SPATS2: variants seen among roughly 807,000 people sequenced by gnomAD.
SPATS2 encodes the protein spermatogenesis associated serine rich 2.
A neutral mutation model predicts 63.7 loss-of-function variants in SPATS2; 38 were observed. The ratio of observed to expected loss-of-function variants is 0.60; its 90% CI spans 0.46 to 0.78. SPATS2 has a LOEUF of 0.78. Among genes scored for constraint, SPATS2 ranks in the 30% least tolerant of loss-of-function variants. The pLI, the probability that SPATS2 is intolerant of heterozygous loss-of-function variation, is 0.00. For synonymous variants in SPATS2, 207 were observed against 232.9 expected (o/e 0.89, Z 1.01); for missense variants, 588 against 666.2 (o/e 0.88, Z 1.29).
chr12:49,501,480 A>G (rs1946566575), intron 9 of SPATS2, among the ~76,000 whole-genome samples: 1 of 152,244 alleles, frequency 6.6e-6, no homozygotes, highest in Non-Finnish European at 1.5e-5. Context: ...TCACCACTGT[A>G]GCACTGAGGA....
chr12:49,492,240 G>A (rs547783440), intron 6 of SPATS2, among the ~76,000 whole-genome samples: 72 of 148,794 alleles, frequency 4.8e-4, no homozygotes, highest in African/African-American at 1.5e-3. Flanking sequence ...TTCTTTTTGA[G>A]ATGGAGTTTT....
intron 2 of SPATS2, among the ~76,000 whole-genome samples, chr12:49,380,732 T>C (rs1242544260): frequency 6.6e-6 from 1 of 151,898 alleles, no homozygotes; most frequent in Non-Finnish European, 1.5e-5. Flanking sequence ...TATATATTTA[T>C]CTATTTATGG....
intron 2 of SPATS2, among the ~76,000 whole-genome samples, chr12:49,373,017 G>T (rs1944029193): frequency 6.8e-6 from 1 of 146,356 alleles, no homozygotes; most frequent in African/African-American, 2.5e-5. Context: ...TTGTCGCCCA[G>T]GCTGGAGTGC....
chr12:49,408,280 C>G (rs576375073), intron 2 of SPATS2, among the ~76,000 whole-genome samples: 12 of 145,090 alleles, frequency 8.3e-5, no homozygotes, highest in Non-Finnish European at 4.5e-5. Flanking sequence ...GAGACAGACT[C>G]TCACTCTTGT....
intron 2 of SPATS2, among the ~76,000 whole-genome samples, chr12:49,439,427 G>A (rs1314356829): frequency 6.6e-6 from 1 of 152,178 alleles, no homozygotes; most frequent in Non-Finnish European, 1.5e-5. Context: ...GGGAACTCAG[G>A]AAGCTATGAT....
rs1158899709 is a variant in SPATS2, at chr12:49,494,923, A to T, written c.447A>T (p.Glu149Asp). The stretch of plus-strand genomic sequence containing the variant: ...CTGAGTCTGTGGACTCACTCAGTGA[A>T]GGTTTGGAGACACTTTCAATAGATG... ...NDTESVDSLS[E>D]GLETLSIDAR... is the part of the protein sequence containing the mutation. Residue 149 changes from glutamate to aspartate, a missense_variant, in exon 7 of 14, where the codon GAA (glutamate) becomes GAT (aspartate). Physicochemically the swap from Glu to Asp is conservative, Grantham distance 45. Coordinates refer to ENST00000552918, the MANE Select transcript of SPATS2 (RefSeq NM_023071.4). The T allele has an allele frequency of 6.2e-7, 1 of 1,614,000 alleles. No homozygotes were observed. The highest frequency in any genetic ancestry group is 8.5e-7 in the Non-Finnish European group (1 of 1,179,980).
At chr12:49,435,427 A>G (rs567137667) in intron 2 of SPATS2, among the ~76,000 whole-genome samples, 8 of 151,500 alleles carry the variant, frequency 5.3e-5, no homozygotes, top group Middle Eastern at 3.4e-3. Context: ...GCCTCAAGCA[A>G]TCTTCCTGCC....
chr12:49,447,331 T>C (rs922547958), intron 2 of SPATS2, among the ~76,000 whole-genome samples: 4 of 152,254 alleles, frequency 2.6e-5, no homozygotes, highest in African/African-American at 9.6e-5. Context: ...CTCCGCCTCC[T>C]GGGTTCAAGC....
chr12:49,380,799 TGTATA>T (rs1944205125), intron 2 of SPATS2, among the ~76,000 whole-genome samples: 1 of 152,120 alleles, frequency 6.6e-6, no homozygotes, highest in African/African-American at 2.4e-5. Context: ...TGAACATTCA[TGTATA>T]GTATTTGTTT....
intron 9 of SPATS2, among the ~76,000 whole-genome samples, chr12:49,508,875 CCAA>C (rs1250188724): frequency 3.3e-5 from 5 of 151,982 alleles, no homozygotes; most frequent in Non-Finnish European, 7.4e-5. Flanking sequence ...ACCAGCCTGA[CCAA>C]CAAGGTGAAA....
intron 4 of SPATS2, among the ~76,000 whole-genome samples, chr12:49,487,825 G>T (rs1159883059): frequency 6.6e-6 from 1 of 152,060 alleles, no homozygotes; most frequent in Non-Finnish European, 1.5e-5. Flanking sequence ...AAACTCCTGA[G>T]ATCAAAGGAT....
In SPATS2 at chr12:49,367,483, A is replaced by C. The variant is rs1943918523; in HGVS notation, c.-411A>C. The C allele has an allele frequency of 2.5e-6, 1 of 394,158 alleles. No individual in the cohort carries two copies. 24.4% of individuals were successfully genotyped at this position (394,158 alleles called of 1,614,324 possible). On this transcript the variant is annotated 5_prime_UTR_variant, in exon 1 of 14. Transcript: ENST00000552918. ...CGGCGGCGACGGCGGCGGTGGCTCTAGAAGGGGAGGTGGAGGATCTCCTTT... is the reference window on the plus strand; with the variant it reads ...CGGCGGCGACGGCGGCGGTGGCTCTCGAAGGGGAGGTGGAGGATCTCCTTT...
intron 9 of SPATS2, among the ~76,000 whole-genome samples, chr12:49,512,602 C>T (rs12313583): frequency 0.014 from 2,118 of 152,166 alleles, 46 homozygotes; most frequent in African/African-American, 0.047. Flanking sequence ...CACAAAAAAG[C>T]CTGATTGTGT....
chr12:49,376,184 C>T (rs1424178358), intron 2 of SPATS2, among the ~76,000 whole-genome samples: 1 of 149,444 alleles, frequency 6.7e-6, no homozygotes, highest in Non-Finnish European at 1.5e-5. Context: ...TCACTGCAAC[C>T]TCCGCCTCCC....
Position 49,376,741 on chromosome 12 carries a change from G to T in SPATS2, c.-244+5451G>T, listed in dbSNP as rs139658348. 6.1e-3 allele frequency among the ~76,000 whole-genome samples: 840 copies of T among 138,830 alleles called. 7 individuals carry two copies. Among genetic ancestry groups the T allele is most frequent in the African/African-American group, 0.022 (788 of 36,508 alleles). 91.1% of individuals were successfully genotyped at this position (138,830 alleles called of 152,430 possible). On this transcript the variant is annotated intron_variant, in intron 2 of 13. Transcript: ENST00000552918. ...TTTTTTTTTTTTTTTTTTTTGAGACGGAGTCTCACTCTGTCGCCCAGGCTG... is the reference window on the plus strand; with the variant it reads ...TTTTTTTTTTTTTTTTTTTTGAGACTGAGTCTCACTCTGTCGCCCAGGCTG...
chr12:49,452,655 T>C (rs996996820), intron 2 of SPATS2, among the ~76,000 whole-genome samples: 31 of 152,208 alleles, frequency 2.0e-4, no homozygotes, highest in Admixed American at 2.0e-3. Flanking sequence ...TTTTCTGATT[T>C]TTTTCTTCCA....
chr12:49,385,890 A>C (rs191992567), intron 2 of SPATS2, among the ~76,000 whole-genome samples: 37 of 134,746 alleles, frequency 2.7e-4, no homozygotes, highest in African/African-American at 1.0e-3. Flanking sequence ...TTTTTTTGAG[A>C]CAGAGTCTTG....
intron 2 of SPATS2, among the ~76,000 whole-genome samples, chr12:49,424,640 G>A (rs184742392): frequency 1.3e-5 from 2 of 152,150 alleles, no homozygotes; most frequent in Non-Finnish European, 2.9e-5. Context: ...ATTAAAGCAG[G>A]AAATAAAAAA....
At position 49,496,819 on chromosome 12, in the gene SPATS2, T is replaced by C. The variant is rs776902148; in HGVS notation, c.527-14T>C. 16 of 1,613,350 alleles carry C rather than the reference T, an allele frequency of 9.9e-6. No homozygotes were observed. The highest frequency in any genetic ancestry group is 1.4e-5 in the Non-Finnish European group (16 of 1,179,752). On this transcript the variant is annotated splice_polypyrimidine_tract_variant and intron_variant, in intron 7 of 13. Transcript: ENST00000552918. The stretch of plus-strand genomic sequence containing the variant: ...TAAATTGTGCTCTAAAGTACAGTCC[T>C]CTTTCTTGGACAGGATCCATGCTGC...
Sources: allele counts gnomAD v4.1 joint callset (sites outside exome capture counted in the v4.1 genomes callset), GRCh38; gene constraint gnomAD v4.1.1; transcripts MANE v1.5; gene names NCBI Gene and HGNC (gene_info 2026-07-23, HGNC 2026-07-21).